PTPRO: variants seen among roughly 807,000 people sequenced by gnomAD.
PTPRO encodes receptor-type tyrosine-protein phosphatase O.
A neutral mutation model predicts 145.2 loss-of-function variants in PTPRO; 62 were observed. That is an observed-to-expected ratio of 0.43 (90% CI 0.35 to 0.53). The LOEUF (loss-of-function observed/expected upper bound fraction) is 0.53, where lower values mean the gene tolerates loss of function less well. Among genes scored for constraint, PTPRO ranks in the 20% least tolerant of loss-of-function variants. PTPRO has a pLI of 0.01. For synonymous variants in PTPRO, 565 were observed against 514.7 expected (o/e 1.10, Z -1.32); for missense variants, 1,345 against 1,482.7 (o/e 0.91, Z 1.53).
intron 25 of PTPRO, among the ~76,000 whole-genome samples, chr12:15,590,851 G>A (rs1944536400): frequency 6.6e-6 from 1 of 152,188 alleles, no homozygotes; most frequent in African/African-American, 2.4e-5. Flanking sequence ...AGTTTAAAAT[G>A]TCTGGTTTCC....
At position 15,524,865 on chromosome 12, in the gene PTPRO, A is replaced by G. The variant is rs368803764; in HGVS notation, c.1943A>G (p.Tyr648Cys). 3.7e-6 allele frequency: 6 copies of G among 1,613,422 alleles called. No homozygotes were observed. The highest frequency in any genetic ancestry group is 1.1e-5 in the South Asian group (1 of 91,076). ...GTGGAATATTTCAACAGTCTGTTAT[A>G]TATCAGTTGGACATATGGGGATGAT... ...TSVEYFNSLLYISWTYGDDTT... is the reference protein window; with the variant it reads ...TSVEYFNSLLCISWTYGDDTT... The change falls in exon 11 of 27, where the codon TAT becomes TGT. Residue 648 changes from tyrosine to cysteine, a missense_variant. By Grantham distance (194) the Tyr-to-Cys change is radical. Transcript: ENST00000281171.
At chr12:15,493,809 G>A (rs556081548) in intron 2 of PTPRO, among the ~76,000 whole-genome samples, 3 of 152,132 alleles carry the variant, frequency 2.0e-5, no homozygotes, top group East Asian at 1.9e-4. Context: ...AACCTAAGGC[G>A]ACATGCCGCA....
chr12:15,567,894 C>T (rs1008245803), intron 18 of PTPRO, among the ~76,000 whole-genome samples: 2 of 152,148 alleles, frequency 1.3e-5, no homozygotes, highest in Non-Finnish European at 2.9e-5. Context: ...CTAATGTTGT[C>T]TATTCCTACC....
chr12:15,360,925 T>C (rs948031600), intron 1 of PTPRO, among the ~76,000 whole-genome samples: 7 of 145,718 alleles, frequency 4.8e-5, no homozygotes, highest in East Asian at 2.1e-4. Flanking sequence ...CACATGTATA[T>C]ACACACACAT....
At chr12:15,406,018 A>T (rs1331772770) in intron 1 of PTPRO, among the ~76,000 whole-genome samples, 1 of 152,172 alleles carries the variant, frequency 6.6e-6, no homozygotes, top group Non-Finnish European at 1.5e-5. Context: ...CATTAAATTT[A>T]ATTTTTTATT....
intron 1 of PTPRO, among the ~76,000 whole-genome samples, chr12:15,377,834 A>G (rs1328639805): frequency 1.3e-5 from 2 of 152,168 alleles, no homozygotes; most frequent in African/African-American, 4.8e-5. Flanking sequence ...AACCAATAAC[A>G]GAGGGAAATT....
At chr12:15,432,491 C>T (rs1196746307) in intron 1 of PTPRO, among the ~76,000 whole-genome samples, 1 of 152,118 alleles carries the variant, frequency 6.6e-6, no homozygotes, top group Non-Finnish European at 1.5e-5. Context: ...CATGATAGAA[C>T]AATTTATATT....
chr12:15,579,492 G>C (rs1210556195), intron 20 of PTPRO, among the ~76,000 whole-genome samples: 1 of 152,220 alleles, frequency 6.6e-6, no homozygotes, highest in Non-Finnish European at 1.5e-5. Flanking sequence ...AGTGAGAAGA[G>C]AAAGGCTGAA....
intron 1 of PTPRO, among the ~76,000 whole-genome samples, chr12:15,471,397 G>T (rs1941538221): frequency 1.3e-5 from 2 of 152,030 alleles, no homozygotes; most frequent in African/African-American, 4.8e-5. Flanking sequence ...CATGCAATAG[G>T]CTCAGGCACC....
intron 1 of PTPRO, among the ~76,000 whole-genome samples, chr12:15,460,076 C>T (rs1218182889): frequency 1.3e-5 from 2 of 152,188 alleles, no homozygotes; most frequent in Non-Finnish European, 2.9e-5. Flanking sequence ...CTTTTCCATT[C>T]ATTCACCTAT....
At chr12:15,533,120 T>C (rs1359591930) in intron 12 of PTPRO, among the ~76,000 whole-genome samples, 1 of 152,174 alleles carries the variant, frequency 6.6e-6, no homozygotes, top group East Asian at 1.9e-4. Context: ...AAAACCATGA[T>C]AGTTTCCCAA....
In PTPRO at chr12:15,388,873, G is replaced by GT. The variant is rs778438699; in HGVS notation, c.75+66080dup. Among the ~76,000 whole-genome samples the GT allele has an allele frequency of 8.6e-5, 13 of 151,170 alleles. No homozygotes were observed. The South Asian group carries it at 1.9e-3, about 22-fold the overall frequency. On this transcript the variant is annotated intron_variant, in intron 1 of 26. Coordinates refer to ENST00000281171, the MANE Select transcript of PTPRO (RefSeq NM_030667.3). Reference sequence around the variant, plus strand: ...GTTTAATAACCACATGTGATATCTGGTTTTTTTTAAATGAAATCCGCATAA... The same window carrying GT: ...GTTTAATAACCACATGTGATATCTGGTTTTTTTTTAAATGAAATCCGCATAA...
At chr12:15,490,086 G>A (rs1213954655) in intron 2 of PTPRO, among the ~76,000 whole-genome samples, 2 of 152,176 alleles carry the variant, frequency 1.3e-5, no homozygotes, top group Non-Finnish European at 2.9e-5. Flanking sequence ...TATAAGTGAT[G>A]AGGGAGAAAT....
chr12:15,404,234 A>C (rs1050846431), intron 1 of PTPRO, among the ~76,000 whole-genome samples: 2 of 151,448 alleles, frequency 1.3e-5, no homozygotes, highest in African/African-American at 4.8e-5. Context: ...TGTTTGGTAC[A>C]TAAAATAAAT....
intron 1 of PTPRO, among the ~76,000 whole-genome samples, chr12:15,343,660 C>T (rs1011916519): frequency 6.6e-6 from 1 of 152,088 alleles, no homozygotes; most frequent in Admixed American, 6.6e-5. Context: ...GCACTCCAGA[C>T]AAGATGAAAC....
intron 1 of PTPRO, among the ~76,000 whole-genome samples, chr12:15,472,575 T>C (rs1405391615): frequency 1.3e-5 from 2 of 152,194 alleles, no homozygotes; most frequent in Admixed American, 6.5e-5. Flanking sequence ...GCATCTTTCA[T>C]ACATCACTTG....
At chr12:15,422,623 A>AT (rs1348406362) in intron 1 of PTPRO, among the ~76,000 whole-genome samples, 5 of 152,188 alleles carry the variant, frequency 3.3e-5, no homozygotes, top group Non-Finnish European at 7.4e-5. Context: ...TTAGATAGAT[A>AT]GGGGACTTGT....
At chr12:15,467,702 C>T (rs901522318) in intron 1 of PTPRO, among the ~76,000 whole-genome samples, 47 of 152,126 alleles carry the variant, frequency 3.1e-4, no homozygotes, top group African/African-American at 1.1e-3. Flanking sequence ...TCCAAATCCC[C>T]CTTGGAGTTT....
chr12:15,491,531 T>C (rs1330610454), intron 2 of PTPRO, among the ~76,000 whole-genome samples: 1 of 152,182 alleles, frequency 6.6e-6, no homozygotes, highest in South Asian at 2.1e-4. Context: ...TAAAATATTG[T>C]TCAATTTGAA....
Sources: allele counts gnomAD v4.1 joint callset (sites outside exome capture counted in the v4.1 genomes callset), GRCh38; gene constraint gnomAD v4.1.1; transcripts MANE v1.5; gene names NCBI Gene and HGNC (gene_info 2026-07-23, HGNC 2026-07-21).